Variants in CSMD1 observed in about 807,000 individuals in gnomAD.
The protein encoded by CSMD1 is CUB and sushi domain-containing protein 1.
A neutral mutation model predicts 417.5 loss-of-function variants in CSMD1; 213 were observed. The observed-to-expected ratio is 0.51, with a 90% CI of 0.46 to 0.57. The LOEUF (loss-of-function observed/expected upper bound fraction) is 0.57, where lower values mean the gene tolerates loss of function less well. Ranked by LOEUF, CSMD1 falls within the 20% of genes least tolerant of loss-of-function variation. The pLI is 0.00. For missense variants in CSMD1, 6,923 were observed against 4,529.7 expected (o/e 1.53, Z -15.17); for synonymous variants, 2,862 against 1,736.8 (o/e 1.65, Z -16.11).
intron 3 of CSMD1, among the ~76,000 whole-genome samples, chr8:4,342,062 G>T (rs998003439): frequency 1.1e-4 from 17 of 152,072 alleles, no homozygotes; most frequent in African/African-American, 4.1e-4. Context: ...GCATCCTGAA[G>T]ATCCTGCAGT....
At chr8:3,150,722 C>G (rs1002608038) in intron 40 of CSMD1, among the ~76,000 whole-genome samples, 1 of 152,010 alleles carries the variant, frequency 6.6e-6, no homozygotes, top group Non-Finnish European at 1.5e-5. Context: ...TAGGGAGACT[C>G]AAATAAATGA....
intron 1 of CSMD1, among the ~76,000 whole-genome samples, chr8:4,708,283 A>T (rs1405125841): frequency 6.6e-6 from 1 of 152,138 alleles, no homozygotes; most frequent in Non-Finnish European, 1.5e-5. Flanking sequence ...TCAGAATATA[A>T]ATCATTGTCA....
rs184081085 is a variant in CSMD1, at chr8:4,830,725, A to G, written c.85+163607T>C. 7.0e-3 allele frequency among the ~76,000 whole-genome samples: 1,074 copies of G among 152,370 alleles called. 5 individuals are homozygous for G. The highest frequency in any genetic ancestry group is 0.012 in the Non-Finnish European group (837 of 68,042). On this transcript the variant is annotated intron_variant, in intron 1 of 69. Transcript: ENST00000635120. ...CTGTATTGCAACCCTGTGTCATTGT[A>G]TCTTCGCTTAATTGGAACCATTGGA...
intron 1 of CSMD1, among the ~76,000 whole-genome samples, chr8:4,979,943 C>T (rs1371165121): frequency 6.6e-6 from 1 of 152,100 alleles, no homozygotes; most frequent in Non-Finnish European, 1.5e-5. Flanking sequence ...GAGGCTGAGG[C>T]AGGAGAATGG....
At chr8:3,268,770 T>A (rs761366098) in intron 26 of CSMD1, among the ~76,000 whole-genome samples, 3 of 152,174 alleles carry the variant, frequency 2.0e-5, no homozygotes, top group Non-Finnish European at 4.4e-5. Context: ...CTGTGTTGAT[T>A]GGGAGTTTGA....
At chr8:2,968,985 T>C (rs773459907) in intron 57 of CSMD1, among the ~76,000 whole-genome samples, 4 of 152,148 alleles carry the variant, frequency 2.6e-5, no homozygotes, top group Non-Finnish European at 5.9e-5. Flanking sequence ...CAAATATTAG[T>C]ACTGTTCATT....
At chr8:4,089,206 T>C (rs1450870005) in intron 3 of CSMD1, among the ~76,000 whole-genome samples, 4 of 152,186 alleles carry the variant, frequency 2.6e-5, no homozygotes, top group Admixed American at 2.0e-4. Context: ...CTGCCTTTTG[T>C]ATTACCTATA....
chr8:3,524,088 C>T (rs1008176157), intron 10 of CSMD1, among the ~76,000 whole-genome samples: 4 of 150,788 alleles, frequency 2.7e-5, no homozygotes, highest in East Asian at 2.0e-4. Flanking sequence ...TGCACACACG[C>T]ATGCACACCC....
chr8:3,463,875 T>C (rs1174139026), intron 12 of CSMD1, among the ~76,000 whole-genome samples: 1 of 152,132 alleles, frequency 6.6e-6, no homozygotes, highest in African/African-American at 2.4e-5. Flanking sequence ...ACACACAGCC[T>C]CACTTCCCCC....
chr8:4,026,008 C>CCA (rs1322685059), intron 4 of CSMD1, among the ~76,000 whole-genome samples: 3 of 111,684 alleles, frequency 2.7e-5, no homozygotes, highest in Admixed American at 1.9e-4. Flanking sequence ...GTTAGGAACT[C>CCA]TATAAAAAAA....
At chr8:3,642,774 T>C (rs1797370325) in intron 7 of CSMD1, among the ~76,000 whole-genome samples, 1 of 152,112 alleles carries the variant, frequency 6.6e-6, no homozygotes, top group African/African-American at 2.4e-5. Flanking sequence ...AATAAACGCA[T>C]TTCATGCAGA....
chr8:3,713,459 C>T (rs1405602376), intron 6 of CSMD1, among the ~76,000 whole-genome samples: 1 of 152,090 alleles, frequency 6.6e-6, no homozygotes, highest in Non-Finnish European at 1.5e-5. Flanking sequence ...CCTCTGTAGC[C>T]CCTGGGAAAG....
intron 12 of CSMD1, among the ~76,000 whole-genome samples, chr8:3,437,732 A>G (rs556690547): frequency 6.7e-6 from 1 of 149,444 alleles, no homozygotes; most frequent in Admixed American, 6.8e-5. Flanking sequence ...GCCACTATAG[A>G]TGCAGCTAAT....
chr8:4,404,763 A>C (rs536578790), intron 3 of CSMD1, among the ~76,000 whole-genome samples: 4 of 152,198 alleles, frequency 2.6e-5, no homozygotes, highest in African/African-American at 9.6e-5. Context: ...CATATAAATG[A>C]AAGTTGAATA....
chr8:3,822,033 T>C (rs993061606), intron 5 of CSMD1, among the ~76,000 whole-genome samples: 11 of 152,182 alleles, frequency 7.2e-5, no homozygotes, highest in African/African-American at 2.7e-4. Context: ...CAGAACACCA[T>C]GCGGTCTGAC....
intron 1 of CSMD1, among the ~76,000 whole-genome samples, chr8:4,898,382 G>T (rs573771528): frequency 8.6e-5 from 13 of 151,622 alleles, no homozygotes; most frequent in African/African-American, 2.9e-4. Context: ...CCATTTTTTT[G>T]CAGTCAAGTA....
intron 1 of CSMD1, among the ~76,000 whole-genome samples, chr8:4,663,385 G>T (rs200375582): frequency 1.3e-5 from 2 of 152,136 alleles, no homozygotes; most frequent in Non-Finnish European, 2.9e-5. Context: ...GGACTCTTTG[G>T]AAGATGCTAA....
At chr8:3,241,769 G>A (rs1799544910) in intron 26 of CSMD1, among the ~76,000 whole-genome samples, 2 of 151,932 alleles carry the variant, frequency 1.3e-5, no homozygotes, top group Non-Finnish European at 1.5e-5. Context: ...GATGTGGCTG[G>A]GGTTTGTCTC....
intron 49 of CSMD1, among the ~76,000 whole-genome samples, chr8:3,064,503 G>T (rs969427675): frequency 6.6e-6 from 1 of 152,126 alleles, no homozygotes; most frequent in African/African-American, 2.4e-5. Context: ...AGTCAATTAG[G>T]CCTCTTTTCT....
Sources: allele counts gnomAD v4.1 joint callset (sites outside exome capture counted in the v4.1 genomes callset), GRCh38; gene constraint gnomAD v4.1.1; transcripts MANE v1.5; gene names NCBI Gene and HGNC (gene_info 2026-07-23, HGNC 2026-07-21).